Variants in EP300 observed in about 807,000 individuals in gnomAD.
EP300 encodes histone acetyltransferase p300.
Under a neutral mutation model 264.0 loss-of-function variants are expected in EP300, and 31 were observed. The ratio of observed to expected loss-of-function variants is 0.12; its 90% CI spans 0.09 to 0.16. The LOEUF is 0.16. Ranked by LOEUF, EP300 falls within the 10% of genes least tolerant of loss-of-function variation. EP300 has a pLI of 1.00. For missense variants in EP300, 2,766 were observed against 3,052.9 expected, an observed-to-expected ratio of 0.91 and a Z score of 2.21; for synonymous variants, 1,340 against 1,045.4, an observed-to-expected ratio of 1.28 and a Z score of -5.44.
rs947645254 is a variant in EP300, at chr22:41,149,825, G to C, written c.2444G>C (p.Ser815Thr). 1.9e-6 allele frequency: 3 copies of C among 1,613,994 alleles called. No individual in the cohort carries two copies. The highest frequency in any genetic ancestry group is 2.2e-5 in the East Asian group (1 of 44,888). Residue 815 changes from serine to threonine, a missense_variant, in exon 14 of 31, where the codon AGC becomes ACC. Ser to Thr is a moderately conservative substitution (Grantham distance 58). Transcript: ENST00000263253. Reference protein sequence around the residue: ...SPIMPPGSQGSHIHCPQLPQP... With the variant: ...SPIMPPGSQGTHIHCPQLPQP... The stretch of plus-strand genomic sequence containing the variant: ...ATAATGCCTCCAGGGTCTCAGGGGA[G>C]CCACATTCACTGTCCCCAGCTTCCT...
At chr22:41,167,582 G>GTGTA (rs1452940891) in intron 23 of EP300, among the ~76,000 whole-genome samples, 1 of 21,676 alleles carries the variant, frequency 4.6e-5, no homozygotes, top group Non-Finnish European at 9.2e-5. Flanking sequence ...GTGTGTGTGT[G>GTGTA]TGTATATATA....
chr22:41,104,297 T>G (rs1057250405), intron 1 of EP300, among the ~76,000 whole-genome samples: 10 of 142,560 alleles, frequency 7.0e-5, no homozygotes, highest in East Asian at 2.0e-4. Flanking sequence ...GTTTTTTTGG[T>G]TTTTTTTTTT....
chr22:41,167,294 A>G (rs1413938586), intron 23 of EP300, among the ~76,000 whole-genome samples: 4 of 151,530 alleles, frequency 2.6e-5, no homozygotes, highest in African/African-American at 9.7e-5. Context: ...ACCATGCCCA[A>G]CCCCTCAGTT....
intron 19 of EP300, chr22:41,159,338 C>A (rs909028429): frequency 6.6e-6 from 1 of 152,176 alleles, no homozygotes; most frequent in African/African-American, 2.4e-5. Context: ...TGAAAAGTCA[C>A]TTAAACTTTT....
chr22:41,160,856 A>C (rs1271540009), intron 20 of EP300, 134 bp downstream of exon 20: 1 of 785,296 alleles, frequency 1.3e-6, no homozygotes, highest in Non-Finnish European at 2.2e-6. Context: ...ATTTAAATGC[A>C]TATTAATTTA....
chr22:41,163,564 T>C (rs1252463360), intron 21 of EP300, among the ~76,000 whole-genome samples: 1 of 150,372 alleles, frequency 6.7e-6, no homozygotes, highest in African/African-American at 2.5e-5. Flanking sequence ...CTGGCCAACA[T>C]GGCAAAATCC....
At position 41,177,882 on chromosome 22, in the gene EP300, T is replaced by C; in HGVS notation, c.6171T>C (p.Thr2057=). The C allele has an allele frequency of 6.2e-7, 1 of 1,614,186 alleles. No homozygotes were observed. The highest frequency in any genetic ancestry group is 8.5e-7 in the Non-Finnish European group (1 of 1,180,020). ...SQQALQNLLR[T]LRSPSSPLQQ... ...AAGCCTTACAAAACCTTTTGCGGAC[T>C]CTCAGGTCTCCCAGCTCTCCCCTGC... Residue 2057 remains threonine, a synonymous_variant, in exon 31 of 31, where the codon ACT becomes ACC. Coordinates refer to ENST00000263253, the MANE Select transcript of EP300 (RefSeq NM_001429.4).
At chr22:41,135,351 T>C (rs1331635303) in intron 6 of EP300, among the ~76,000 whole-genome samples, 1 of 152,212 alleles carries the variant, frequency 6.6e-6, no homozygotes, top group East Asian at 1.9e-4. Flanking sequence ...CTATTATAGC[T>C]CTTTTCCTCT....
At chr22:41,137,109 A>C (rs936531658) in intron 7 of EP300, among the ~76,000 whole-genome samples, 1 of 152,032 alleles carries the variant, frequency 6.6e-6, no homozygotes, top group Non-Finnish European at 1.5e-5. Context: ...CTGTAATCTC[A>C]GCACTTTGGG....
intron 1 of EP300, among the ~76,000 whole-genome samples, chr22:41,097,672 G>A (rs1343414163): frequency 6.6e-6 from 1 of 152,178 alleles, no homozygotes; most frequent in Non-Finnish European, 1.5e-5. Context: ...CTAGTTTTAT[G>A]TTTGTCCAGA....
chr22:41,124,085 T>C (rs1055566664), intron 2 of EP300, among the ~76,000 whole-genome samples: 1 of 152,154 alleles, frequency 6.6e-6, no homozygotes, highest in African/African-American at 2.4e-5. Flanking sequence ...CCGTCTCGAC[T>C]GAAAGTAAAA....
In EP300 at chr22:41,146,576, A is replaced by G. The variant is rs968638018; in HGVS notation, c.2054-163A>G. ...CATTTTTCTGTATTCCAGAAATAAC[A>G]TTTTCTTCAAGCTTCTGTCTAGTTC... On this transcript the variant is annotated intron_variant, in intron 10 of 30. Coordinates refer to ENST00000263253, the MANE Select transcript of EP300 (RefSeq NM_001429.4). The G allele has an allele frequency of 9.0e-6, 6 of 667,352 alleles. No homozygotes were observed. In the African/African-American group the frequency reaches 1.1e-4, roughly 12 times the overall value. 41.3% of individuals were successfully genotyped at this position (667,352 alleles called of 1,614,324 possible).
At chr22:41,164,832 T>G (rs146658959) in intron 22 of EP300, among the ~76,000 whole-genome samples, 1 of 152,212 alleles carries the variant, frequency 6.6e-6, no homozygotes, top group African/African-American at 2.4e-5. Flanking sequence ...CAGCAAGTTA[T>G]AAGGCTGCAG....
At chr22:41,156,075 A>G (rs143616448) in intron 17 of EP300, among the ~76,000 whole-genome samples, 3,016 of 151,994 alleles carry the variant, frequency 0.02, 96 homozygotes, top group African/African-American at 0.07. Context: ...GCAATGGCGC[A>G]ATCTCAGTTC....
rs1337564459 is a variant in EP300, at chr22:41,178,236, G to A, written c.6525G>A (p.Met2175Ile). 1 of 1,613,998 alleles carries A rather than the reference G, an allele frequency of 6.2e-7. No homozygotes were observed. Among genetic ancestry groups the A allele is most frequent in the Non-Finnish European group, 8.5e-7 (1 of 1,179,986 alleles). Residue 2175 changes from methionine (M) to isoleucine (I), a missense_variant, in exon 31 of 31, where the codon ATG becomes ATA. Physicochemically the swap from Met to Ile is conservative, Grantham distance 10 (BLOSUM62 1). Transcript: ENST00000263253. Reference protein sequence around the residue: ...AQQMNMNHNTMPSQFRDILRR... With the variant: ...AQQMNMNHNTIPSQFRDILRR... ...AGATGAACATGAACCACAACACCAT[G>A]CCTTCACAATTCCGAGACATCTTGA... is the stretch of plus-strand genomic sequence containing the variant.
intron 2 of EP300, among the ~76,000 whole-genome samples, chr22:41,119,168 T>C (rs567699671): frequency 4.1e-5 from 4 of 96,836 alleles, no homozygotes; most frequent in African/African-American, 2.1e-4. Flanking sequence ...ATGCCTGGCT[T>C]ATTATTATTT....
At chr22:41,160,584 C>CT in intron 19 of EP300, 58 bp from the exon 20 acceptor site, 1 of 1,566,720 alleles carries the variant, frequency 6.4e-7, no homozygotes. Context: ...CGTTGCTTGG[C>CT]TTGGGCTGTG....
In EP300 at chr22:41,158,421, T is replaced by C. The variant is rs1359275063; in HGVS notation, c.3511T>C (p.Ser1171Pro). The C allele has an allele frequency of 1.2e-6, 2 of 1,614,120 alleles. No individual in the cohort carries two copies. Among genetic ancestry groups the C allele is most frequent in the East Asian group, 2.2e-5 (1 of 44,884 alleles). ...ATGGTTTCTTTTGCAGTTGGAGTTC[T>C]CTCCACAGACACTGTGTTGCTACGG... ...GYCCGRKLEF[S>P]PQTLCCYGKQ... is the part of the protein sequence containing the mutation. Residue 1171 changes from serine to proline, a missense_variant, in exon 19 of 31, where the codon TCT becomes CCT. Transcript: ENST00000263253.
chr22:41,164,343 T>C (rs1248054425), intron 22 of EP300, among the ~76,000 whole-genome samples: 1 of 152,218 alleles, frequency 6.6e-6, no homozygotes, highest in Non-Finnish European at 1.5e-5. Context: ...TTATGCATTC[T>C]TCTTAGCCAT....
Sources: allele counts gnomAD v4.1 joint callset (sites outside exome capture counted in the v4.1 genomes callset), GRCh38; gene constraint gnomAD v4.1.1; transcripts MANE v1.5; gene names NCBI Gene and HGNC (gene_info 2026-07-23, HGNC 2026-07-21).